Variants in RNF216 observed in about 807,000 individuals in gnomAD.
RNF216 encodes E3 ubiquitin-protein ligase RNF216.
In RNF216, 72 loss-of-function variants were observed where a neutral mutation model predicts 110.8. The observed-to-expected ratio is 0.65, with a 90% CI of 0.54 to 0.79. RNF216 has a LOEUF of 0.79. RNF216 is among the 30% of genes least tolerant of loss of function. The probability of loss-of-function intolerance (pLI) is 0.00; values close to 1 mark genes in which losing one functional copy is unlikely to be tolerated. For synonymous variants in RNF216, 495 were observed against 407.5 expected, an observed-to-expected ratio of 1.21 and a Z score of -2.59; for missense variants, 1,342 against 1,141.2, an observed-to-expected ratio of 1.18 and a Z score of -2.54.
At chr7:5,780,302 A>C (rs1343877090) in intron 1 of RNF216, 2 of 152,160 alleles carry the variant, frequency 1.3e-5, no homozygotes, top group African/African-American at 4.8e-5. Flanking sequence ...TGTGAGGGCC[A>C]CTGTGAGGCC....
At chr7:5,759,373 C>T (rs1795811181) in intron 2 of RNF216, among the ~76,000 whole-genome samples, 1 of 152,198 alleles carries the variant, frequency 6.6e-6, no homozygotes, top group Non-Finnish European at 1.5e-5. Context: ...TCCTCCTCTT[C>T]AGCCTACTCA....
chr7:5,738,891 T>A (rs1011221718), intron 5 of RNF216, among the ~76,000 whole-genome samples: 3 of 152,048 alleles, frequency 2.0e-5, no homozygotes, highest in African/African-American at 7.2e-5. Flanking sequence ...TTCCATAAAA[T>A]CCAGAAAACA....
chr7:5,641,157 G>A lies in RNF216; in HGVS notation c.2379C>T (p.Pro793=), dbSNP rs778078684. Residue 793 remains proline, a synonymous_variant, in exon 15 of 17, where the codon CCC becomes CCT. Transcript: ENST00000389902. ...AGGCAGCCATGTGTCTACTTACAGT[G>A]GGATCGGTCCAGAGAGAGCATCTTG... ...ECSRCSLWTD[P]TEDDEKLIEE... 1.9e-6 allele frequency: 3 copies of A among 1,610,030 alleles called. No homozygotes were observed. Among genetic ancestry groups the A allele is most frequent in the Non-Finnish European group, 2.5e-6 (3 of 1,176,690 alleles).
In RNF216 at chr7:5,660,332, A is replaced by G. The variant is rs566777598; in HGVS notation, c.2062-7822T>C. 8.8e-3 allele frequency among the ~76,000 whole-genome samples: 938 copies of G among 106,440 alleles called. 7 individuals carry two copies. The highest frequency in any genetic ancestry group is 0.031 in the African/African-American group (868 of 27,966). The allele number at this position is 106,440 out of a possible 152,430, so 69.8% of individuals were successfully genotyped here. A position where few individuals can be genotyped will look rare whatever the true frequency, so the allele number is the denominator to read the frequency against. Reference sequence around the variant, plus strand: ...TTTTGAGATGGAGTCTCGCTTTGTCACCAGGCTAGAGTGCAGTGGCGCAAT... The same window carrying G: ...TTTTGAGATGGAGTCTCGCTTTGTCGCCAGGCTAGAGTGCAGTGGCGCAAT... On this transcript the variant is annotated intron_variant, in intron 13 of 16. Coordinates refer to ENST00000389902, the MANE Select transcript of RNF216 (RefSeq NM_207111.4).
chr7:5,692,776 G>C (rs1266310857), intron 13 of RNF216, among the ~76,000 whole-genome samples: 3 of 152,190 alleles, frequency 2.0e-5, no homozygotes, highest in African/African-American at 7.2e-5. Context: ...TATTTTTCAA[G>C]TTCTCTTAAT....
At chr7:5,628,069 A>G (rs1233181318) in intron 15 of RNF216, among the ~76,000 whole-genome samples, 4 of 152,172 alleles carry the variant, frequency 2.6e-5, no homozygotes, top group African/African-American at 9.7e-5. Flanking sequence ...CCTGCCATTC[A>G]GAGTTCTTCC....
chr7:5,769,091 TTATTAGACA>T (rs1406189509), intron 1 of RNF216, among the ~76,000 whole-genome samples: 4 of 151,460 alleles, frequency 2.6e-5, no homozygotes, highest in African/African-American at 9.7e-5. Flanking sequence ...GTAAAATAGT[TTATTAGACA>T]CAATTTACAG....
chr7:5,636,206 A>C (rs1007532878), intron 15 of RNF216, among the ~76,000 whole-genome samples: 62 of 152,326 alleles, frequency 4.1e-4, no homozygotes, highest in African/African-American at 1.5e-3. Flanking sequence ...ACTGCAAAAT[A>C]ACGTCTGTTC....
intron 15 of RNF216, among the ~76,000 whole-genome samples, chr7:5,629,613 C>T (rs78340435): frequency 6.6e-6 from 1 of 151,808 alleles, no homozygotes; most frequent in Admixed American, 6.6e-5. Context: ...CGGATCACGA[C>T]GTCAGGAGTT....
chr7:5,777,987 T>A (rs1053573627), intron 1 of RNF216, among the ~76,000 whole-genome samples: 1 of 152,230 alleles, frequency 6.6e-6, no homozygotes, highest in African/African-American at 2.4e-5. Context: ...ACGATCTTTT[T>A]AGAACTGAAT....
intron 13 of RNF216, among the ~76,000 whole-genome samples, chr7:5,698,384 TACACAC>T (rs376096873): frequency 3.0e-4 from 44 of 145,394 alleles, no homozygotes; most frequent in Admixed American, 4.8e-4. Flanking sequence ...GATTCTTTTA[TACACAC>T]ACACACACAC....
chr7:5,757,390 T>C (rs948441108), intron 2 of RNF216, among the ~76,000 whole-genome samples: 11 of 127,846 alleles, frequency 8.6e-5, no homozygotes, highest in South Asian at 5.8e-4. Flanking sequence ...TATTTGATAT[T>C]ACACAGATAT....
intron 13 of RNF216, among the ~76,000 whole-genome samples, chr7:5,664,509 G>A (rs1047440172): frequency 6.6e-6 from 1 of 152,174 alleles, no homozygotes; most frequent in Non-Finnish European, 1.5e-5. Context: ...TTCAAGACAT[G>A]GAAGTTGATC....
At chr7:5,681,657 A>G (rs572231794) in intron 13 of RNF216, among the ~76,000 whole-genome samples, 2 of 152,148 alleles carry the variant, frequency 1.3e-5, no homozygotes, top group African/African-American at 4.8e-5. Context: ...CCATTCCTCA[A>G]CTGGGGATAG....
intron 1 of RNF216, chr7:5,774,881 C>CCAAG (rs1796691466): frequency 6.6e-6 from 1 of 152,058 alleles, no homozygotes; most frequent in Non-Finnish European, 1.5e-5. Flanking sequence ...TCTCAGCCTC[C>CCAAG]CAAGTTACAG....
chr7:5,708,845 G>A (rs117029666), intron 13 of RNF216, among the ~76,000 whole-genome samples: 3,025 of 152,214 alleles, frequency 0.02, 45 homozygotes, highest in Non-Finnish European at 0.032. Context: ...AGCCCCTTGA[G>A]AAGCCCAAAT....
intron 3 of RNF216, among the ~76,000 whole-genome samples, chr7:5,745,489 G>A (rs1471713123): frequency 1.3e-5 from 2 of 152,156 alleles, no homozygotes; most frequent in African/African-American, 4.8e-5. Context: ...TTAGACACGT[G>A]AAAGAAGCAT....
At chr7:5,754,697 C>T (rs1795523835) in intron 2 of RNF216, among the ~76,000 whole-genome samples, 1 of 152,042 alleles carries the variant, frequency 6.6e-6, no homozygotes, top group Non-Finnish European at 1.5e-5. Flanking sequence ...AGAACTGACC[C>T]AAGAAAAAGA....
At chr7:5,774,780 C>T (rs1336494097) in intron 1 of RNF216, among the ~76,000 whole-genome samples, 3 of 149,962 alleles carry the variant, frequency 2.0e-5, no homozygotes, top group African/African-American at 4.9e-5. Flanking sequence ...TTTATTGAGA[C>T]GAAGTTTTGC....
Sources: allele counts gnomAD v4.1 joint callset (sites outside exome capture counted in the v4.1 genomes callset), GRCh38; gene constraint gnomAD v4.1.1; transcripts MANE v1.5; gene names NCBI Gene and HGNC (gene_info 2026-07-23, HGNC 2026-07-21).